The following OOEP variants were observed in gnomAD, a reference collection of about 807,000 sequenced individuals.
OOEP encodes oocyte-expressed protein homolog.
OOEP carries 16 observed loss-of-function variants against 13.7 expected under a neutral mutation model. The ratio of observed to expected loss-of-function variants is 1.16; its 90% CI spans 0.79 to 1.77. The LOEUF is 1.77. Ranked by LOEUF, OOEP falls within the 40% of genes most tolerant of loss-of-function variation. OOEP has a pLI of 0.00. For missense variants in OOEP, 195 were observed against 193.1 expected, an observed-to-expected ratio of 1.01 and a Z score of -0.06; for synonymous variants, 89 against 77.1, an observed-to-expected ratio of 1.15 and a Z score of -0.81.
chr6:73,388,425 C>T (rs2150783246), intron 2 of OOEP, among the ~76,000 whole-genome samples: 1 of 152,250 alleles, frequency 6.6e-6, no homozygotes, highest in East Asian at 1.9e-4. Flanking sequence ...CTGGGTAATA[C>T]TTTTATTTTT....
At chr6:73,372,313 T>C (rs748871118), upstream of OOEP, among the ~76,000 whole-genome samples, 2 of 152,066 alleles carry the variant, frequency 1.3e-5, no homozygotes, top group Non-Finnish European at 2.9e-5. Context: ...CTTGTGGGGA[T>C]CTTCTGCCAT....
chr6:73,369,907 G>A, upstream of OOEP: 1 of 974,762 alleles, frequency 1.0e-6, no homozygotes, highest in Non-Finnish European at 1.5e-6. Flanking sequence ...CGCCCCTTCC[G>A]GCGGCGCCTC....
At chr6:73,390,852 T>C (rs1161534283) in intron 2 of OOEP, among the ~76,000 whole-genome samples, 1 of 151,578 alleles carries the variant, frequency 6.6e-6, no homozygotes, top group East Asian at 1.9e-4. Context: ...TCTGCCTGCC[T>C]TGGCCTCCCA....
upstream of OOEP, chr6:73,373,361 G>A: frequency 8.1e-7 from 1 of 1,238,548 alleles, no homozygotes; most frequent in Non-Finnish European, 1.2e-6. Flanking sequence ...GTCTCACTCT[G>A]TCACCCAGGC....
chr6:73,392,794 G>T (rs1189252847), intron 2 of OOEP, among the ~76,000 whole-genome samples: 4 of 151,362 alleles, frequency 2.6e-5, no homozygotes, highest in African/African-American at 9.7e-5. Flanking sequence ...ACCACGCCCA[G>T]CTAATTTTTG....
At chr6:73,395,099 A>G (rs1476099216), upstream of OOEP, 3 of 1,614,152 alleles carry the variant, frequency 1.9e-6, no homozygotes, top group Non-Finnish European at 2.5e-6. Flanking sequence ...GCCGCTGGTC[A>G]CGAGGAACTG....
In OOEP at chr6:73,368,863, G is replaced by A; in HGVS notation, c.371C>T (p.Ala124Val). The change falls in exon 3 of 3, where the codon GCT (alanine) becomes GTT (valine). Residue 124 changes from alanine to valine, a missense_variant and splice_region_variant. Coordinates refer to ENST00000370359, the MANE Select transcript of OOEP (RefSeq NM_001080507.3). Reference sequence around the variant, plus strand: ...CTTCTCAAGGTGTTTCATCTTCTCAGCTGGAAGAGAAGCAGTTGATACTAA... The same window carrying A: ...CTTCTCAAGGTGTTTCATCTTCTCAACTGGAAGAGAAGCAGTTGATACTAA... ...AWFHREHRAR[A>V]EKMKHLEKNL... 1 of 1,610,470 alleles carries A rather than the reference G, an allele frequency of 6.2e-7. No individual in the cohort carries two copies. The highest frequency in any genetic ancestry group is 8.5e-7 in the Non-Finnish European group (1 of 1,176,678).
At chr6:73,379,638 CA>C (rs370843381) in intron 2 of OOEP, among the ~76,000 whole-genome samples, 18 of 17,758 alleles carry the variant, frequency 1.0e-3, no homozygotes, top group African/African-American at 2.9e-3. Context: ...GACTCTATCT[CA>C]AAAAAAAAAA....
Position 73,369,888 on chromosome 6 carries a change from G to A in OOEP, c.-96C>T, listed in dbSNP as rs181726191. ...GCTCGGGCTCTCTTTTACCATATTC[G>A]ACCCGCTCCGCCCCTTCCGGCGGCG... On this transcript the variant is annotated 5_prime_UTR_variant, in exon 1 of 3. Coordinates refer to ENST00000370359, the MANE Select transcript of OOEP (RefSeq NM_001080507.3). The A allele has an allele frequency of 1.5e-4, 172 of 1,178,052 alleles. No individual in the cohort carries two copies. The highest frequency in any genetic ancestry group is 3.4e-4 in the Admixed American group (18 of 52,236). 73.0% of individuals were successfully genotyped at this position (1,178,052 alleles called of 1,614,324 possible).
At chr6:73,370,905 C>T (rs1769039037), upstream of OOEP, among the ~76,000 whole-genome samples, 1 of 152,178 alleles carries the variant, frequency 6.6e-6, no homozygotes, top group South Asian at 2.1e-4. Context: ...TCTCAGCCTC[C>T]TGAGTAGCTG....
At chr6:73,372,790 T>C (rs1172905504), upstream of OOEP, among the ~76,000 whole-genome samples, 1 of 151,984 alleles carries the variant, frequency 6.6e-6, no homozygotes, top group African/African-American at 2.4e-5. Context: ...GTGCCAGGGA[T>C]CCTGCAGTGG....
intron 2 of OOEP, among the ~76,000 whole-genome samples, chr6:73,386,893 G>A (rs1056131211): frequency 5.4e-5 from 8 of 149,338 alleles, no homozygotes; most frequent in African/African-American, 7.4e-5. Context: ...ACTTGAACCC[G>A]GGAGGCGGAG....
chr6:73,378,413 T>G (rs1769160145), intron 2 of OOEP, among the ~76,000 whole-genome samples: 1 of 152,018 alleles, frequency 6.6e-6, no homozygotes, highest in African/African-American at 2.4e-5. Flanking sequence ...CTACAAACTC[T>G]AAGATCATCT....
At chr6:73,380,165 T>C (rs1439980659) in intron 2 of OOEP, among the ~76,000 whole-genome samples, 1 of 152,108 alleles carries the variant, frequency 6.6e-6, no homozygotes, top group Non-Finnish European at 1.5e-5. Flanking sequence ...TCACATTGAT[T>C]AGTACCACCA....
chr6:73,394,806 G>A, exon 1 of OOEP: 1 of 1,526,862 alleles, frequency 6.5e-7, no homozygotes, highest in Non-Finnish European at 8.8e-7. Flanking sequence ...TCCTTAAGTA[G>A]CGGCTGCGTG....
upstream of OOEP, among the ~76,000 whole-genome samples, chr6:73,374,781 T>TG (rs1391014028): frequency 2.6e-5 from 4 of 152,148 alleles, no homozygotes; most frequent in Non-Finnish European, 5.9e-5. Context: ...GATTTACTGA[T>TG]GGGGGAAGGG....
At chr6:73,373,934 T>C (rs1437531778), upstream of OOEP, among the ~76,000 whole-genome samples, 1 of 152,026 alleles carries the variant, frequency 6.6e-6, no homozygotes, top group Admixed American at 6.6e-5. Context: ...TATACATGCC[T>C]GTAATCCCAT....
chr6:73,373,805 T>C (rs1483411627), upstream of OOEP, among the ~76,000 whole-genome samples: 1 of 152,098 alleles, frequency 6.6e-6, no homozygotes, highest in Non-Finnish European at 1.5e-5. Flanking sequence ...TCCAGGCTGG[T>C]CTCGAACTCC....
chr6:73,394,063 G>C (rs920477753), intron 2 of OOEP, among the ~76,000 whole-genome samples: 2 of 152,144 alleles, frequency 1.3e-5, no homozygotes, highest in Non-Finnish European at 2.9e-5. Flanking sequence ...TTTGTGAGCC[G>C]AGTGCAGTGG....
Sources: allele counts gnomAD v4.1 joint callset (sites outside exome capture counted in the v4.1 genomes callset), GRCh38; gene constraint gnomAD v4.1.1; transcripts MANE v1.5; gene names NCBI Gene and HGNC (gene_info 2026-07-23, HGNC 2026-07-21).